Variants in PXYLP1 observed in about 807,000 individuals in gnomAD.
PXYLP1 encodes the protein 2-phosphoxylose phosphatase 1, also known as acid phosphatase-like 2.
Under a neutral mutation model 37.9 loss-of-function variants are expected in PXYLP1, and 17 were observed. The observed-to-expected ratio is 0.45, with a 90% confidence interval of 0.31 to 0.67. PXYLP1 has a LOEUF of 0.67. Ranked by LOEUF, PXYLP1 falls within the 30% of genes least tolerant of loss-of-function variation. The pLI, the probability that PXYLP1 is intolerant of heterozygous loss-of-function variation, is 0.07. For missense variants in PXYLP1, 511 were observed against 612.0 expected (o/e 0.84, Z 1.74); for synonymous variants, 221 against 232.2 (o/e 0.95, Z 0.44).
intron 1 of PXYLP1, among the ~76,000 whole-genome samples, chr3:141,253,583 C>T (rs1941192731): frequency 6.6e-6 from 1 of 151,976 alleles, no homozygotes; most frequent in African/African-American, 2.4e-5. Context: ...ATGCAGTCTT[C>T]TTTCCTCCTG....
chr3:141,287,276 A>G (rs1457297493), intron 4 of PXYLP1, 38 bp from the exon 5 acceptor site: 11 of 1,601,826 alleles, frequency 6.9e-6, no homozygotes, highest in Non-Finnish European at 9.4e-6. Flanking sequence ...ATTCTTGTGG[A>G]GCACTCTGAC....
intron 2 of PXYLP1, among the ~76,000 whole-genome samples, chr3:141,265,286 A>G (rs1282831990): frequency 6.6e-6 from 1 of 152,128 alleles, no homozygotes; most frequent in Non-Finnish European, 1.5e-5. Flanking sequence ...TGTTTTCCAA[A>G]GCACCTTCAT....
At chr3:141,261,520 A>G (rs991079994) in intron 2 of PXYLP1, among the ~76,000 whole-genome samples, 1 of 152,224 alleles carries the variant, frequency 6.6e-6, no homozygotes, top group African/African-American at 2.4e-5. Flanking sequence ...CCATTTCTAC[A>G]GAAATGGGGA....
rs1187466618 is a variant in PXYLP1, at chr3:141,273,265, C to G, written c.80-5077C>G. ...TGTTGGATGGCCAGATGGACAAATG[C>G]ATAAATACCGAGCTTAGTGGGTGAG... is the stretch of plus-strand genomic sequence containing the variant. On this transcript the variant is annotated intron_variant, in intron 2 of 5. Coordinates refer to ENST00000286353, the MANE Select transcript of PXYLP1 (RefSeq NM_001037172.3). 3.0e-6 allele frequency: 3 copies of G among 985,282 alleles called. No homozygotes were observed. In the East Asian group the frequency reaches 3.4e-4, roughly 112 times the overall value. 61.0% of individuals were successfully genotyped at this position (985,282 alleles called of 1,614,324 possible). A position where few individuals can be genotyped will look rare whatever the true frequency, so the allele number is the denominator to read the frequency against.
At chr3:141,248,599 A>G (rs202052985) in intron 1 of PXYLP1, among the ~76,000 whole-genome samples, 1 of 70,762 alleles carries the variant, frequency 1.4e-5, no homozygotes, top group Non-Finnish European at 2.3e-5. Flanking sequence ...ACACACGTGT[A>G]TATATACACA....
At chr3:141,274,362 C>T (rs887080088) in intron 2 of PXYLP1, 7 of 1,429,174 alleles carry the variant, frequency 4.9e-6, no homozygotes, top group Non-Finnish European at 6.4e-6. Flanking sequence ...TTACGGGACC[C>T]AAGGCGTATC....
chr3:141,253,251 T>G (rs1320074267), intron 1 of PXYLP1, among the ~76,000 whole-genome samples: 1 of 152,152 alleles, frequency 6.6e-6, no homozygotes, highest in Non-Finnish European at 1.5e-5. Context: ...TAGAGGGCTG[T>G]GGGTGCTGGG....
chr3:141,287,105 A>G (rs906956428), intron 4 of PXYLP1, among the ~76,000 whole-genome samples: 6 of 152,104 alleles, frequency 3.9e-5, no homozygotes, highest in Non-Finnish European at 1.5e-5. Context: ...GAGGTTAGGA[A>G]CTCTGGCCAA....
intron 2 of PXYLP1, among the ~76,000 whole-genome samples, chr3:141,261,345 G>A (rs900713305): frequency 2.0e-5 from 3 of 152,114 alleles, no homozygotes; most frequent in Non-Finnish European, 4.4e-5. Flanking sequence ...ATAGCGACAG[G>A]GCAGGGTTTC....
chr3:141,234,019 C>A (rs544687246), intron 1 of PXYLP1, among the ~76,000 whole-genome samples: 1 of 152,230 alleles, frequency 6.6e-6, no homozygotes, highest in African/African-American at 2.4e-5. Flanking sequence ...CCTGGTCCCC[C>A]CTGTCTACCA....
chr3:141,273,701 C>T, intron 2 of PXYLP1: 5 of 985,244 alleles, frequency 5.1e-6, no homozygotes, highest in Non-Finnish European at 6.0e-6. Context: ...GATGTGTGGA[C>T]AGGATGAAAG....
At chr3:141,232,866 G>A (rs1425558466) in intron 1 of PXYLP1, among the ~76,000 whole-genome samples, 1 of 152,162 alleles carries the variant, frequency 6.6e-6, no homozygotes, top group Admixed American at 6.5e-5. Flanking sequence ...TCACCGCCTG[G>A]CTAGCCAGTG....
chr3:141,254,154 C>G (rs527815703), intron 1 of PXYLP1, among the ~76,000 whole-genome samples: 29 of 152,298 alleles, frequency 1.9e-4, no homozygotes, highest in African/African-American at 6.7e-4. Flanking sequence ...CTCAAGTGAT[C>G]TGCCCGCCAC....
rs1035000751 is a variant in PXYLP1 at position 141,292,095 on chromosome 3, C to G, written c.506-173C>G. Among the ~76,000 whole-genome samples, 3 of 152,208 alleles carry G rather than the reference C, an allele frequency of 2.0e-5. No homozygotes were observed. Among genetic ancestry groups the G allele is most frequent in the African/African-American group, 7.2e-5 (3 of 41,440 alleles). On this transcript the variant is annotated intron_variant, in intron 5 of 5. Coordinates refer to ENST00000286353, the MANE Select transcript of PXYLP1 (RefSeq NM_001037172.3). The surrounding 1 kb of genome is among the most constrained non-coding windows in gnomAD (Gnocchi z 4.3). Reference sequence around the variant, plus strand: ...CCTTCATGAATAACCCCAAGAGGCTCCCTTCACAAGCTGTTGTGAACTCGA... The same window carrying G: ...CCTTCATGAATAACCCCAAGAGGCTGCCTTCACAAGCTGTTGTGAACTCGA...
chr3:141,267,967 A>C (rs927216723), intron 2 of PXYLP1, among the ~76,000 whole-genome samples: 1 of 152,006 alleles, frequency 6.6e-6, no homozygotes, highest in African/African-American at 2.4e-5. Flanking sequence ...ATCAATAATT[A>C]GATGAGGGGA....
chr3:141,261,387 G>A (rs1427642758), intron 2 of PXYLP1, among the ~76,000 whole-genome samples: 1 of 152,204 alleles, frequency 6.6e-6, no homozygotes, highest in African/African-American at 2.4e-5. Context: ...TCAAACTCCT[G>A]ACCTCAAGTG....
chr3:141,248,233 A>G (rs1323997287), intron 1 of PXYLP1, among the ~76,000 whole-genome samples: 1 of 151,762 alleles, frequency 6.6e-6, no homozygotes. Context: ...GGGTGTCACC[A>G]TGTTGGTTAG....
At chr3:141,251,357 A>C (rs1941136204) in intron 1 of PXYLP1, among the ~76,000 whole-genome samples, 1 of 152,212 alleles carries the variant, frequency 6.6e-6, no homozygotes. Flanking sequence ...GAATAGGAGA[A>C]GAAAAACGTC....
chr3:141,279,298 C>T (rs1448277336), intron 3 of PXYLP1, 80 bp from the exon 4 acceptor site: 1 of 1,556,004 alleles, frequency 6.4e-7, no homozygotes, highest in East Asian at 2.3e-5. Context: ...CCAAATGTGG[C>T]CAGGTCATCC....
Sources: gnomAD v4.1 joint callset for allele counts (sites outside exome capture counted in the v4.1 genomes callset) on GRCh38, gnomAD v4.1.1 for gene constraint, Gnocchi (gnomAD v3.1) non-coding constraint, MANE v1.5 for transcripts, NCBI Gene and HGNC (gene_info 2026-07-23, HGNC 2026-07-21) for gene names.